IL15: variants seen among roughly 807,000 people sequenced by gnomAD.
The protein encoded by IL15 is interleukin 15, also known as interleukin-15.
IL15 carries 11 observed loss-of-function variants against 19.6 expected under a neutral mutation model. That is an observed-to-expected ratio of 0.56 (90% CI 0.35 to 0.93). IL15 has a LOEUF of 0.93. Ranked by LOEUF, IL15 falls within the 40% of genes least tolerant of loss-of-function variation. The pLI is 0.01. For missense variants in IL15, 197 were observed against 186.5 expected (o/e 1.06, Z -0.33); for synonymous variants, 58 against 59.6 (o/e 0.97, Z 0.12).
At chr4:141,690,366 G>A (rs1015840896) in intron 2 of IL15, among the ~76,000 whole-genome samples, 7 of 152,200 alleles carry the variant, frequency 4.6e-5, no homozygotes, top group Non-Finnish European at 8.8e-5. Context: ...CCCAGGCAGA[G>A]GAGTCGCCGA....
chr4:141,718,928 G>C (rs1729982351), intron 2 of IL15: 1 of 152,194 alleles, frequency 6.6e-6, no homozygotes, highest in Admixed American at 6.5e-5. Flanking sequence ...ATTCTCAAAT[G>C]ATTAACAATG....
chr4:141,664,818 C>A (rs1727915225), intron 2 of IL15, among the ~76,000 whole-genome samples: 2 of 152,160 alleles, frequency 1.3e-5, no homozygotes, highest in Non-Finnish European at 2.9e-5. Context: ...CTAATTCTTA[C>A]ATACATACTT....
intron 2 of IL15, among the ~76,000 whole-genome samples, chr4:141,707,223 C>T (rs1729546851): frequency 6.6e-6 from 1 of 151,928 alleles, no homozygotes; most frequent in South Asian, 2.1e-4. Flanking sequence ...TTTAAATTTT[C>T]ATTTATCAAA....
intron 6 of IL15, among the ~76,000 whole-genome samples, chr4:141,729,628 A>T (rs1463048019): frequency 6.6e-6 from 1 of 152,100 alleles, no homozygotes; most frequent in Non-Finnish European, 1.5e-5. Flanking sequence ...TCTTCTGTAC[A>T]ATATTGCCAT....
At chr4:141,672,933 A>G (rs1304812379) in intron 2 of IL15, among the ~76,000 whole-genome samples, 1 of 152,088 alleles carries the variant, frequency 6.6e-6, no homozygotes, top group Non-Finnish European at 1.5e-5. Flanking sequence ...CTTCCTCCAC[A>G]AAGTCTTCTG....
intron 2 of IL15, among the ~76,000 whole-genome samples, chr4:141,703,271 C>T (rs72712428): frequency 0.1 from 15,766 of 152,188 alleles, 931 homozygotes; most frequent in Non-Finnish European, 0.14. Context: ...CCACTCGCCA[C>T]CAAGTTCTGT....
chr4:141,710,743 T>C (rs1273808762), intron 2 of IL15, among the ~76,000 whole-genome samples: 2 of 152,300 alleles, frequency 1.3e-5, no homozygotes, highest in South Asian at 2.1e-4. Flanking sequence ...GTTTTGTTTG[T>C]TCATTTTATT....
chr4:141,703,086 A>G (rs1284429122), intron 2 of IL15, among the ~76,000 whole-genome samples: 1 of 152,216 alleles, frequency 6.6e-6, no homozygotes, highest in Admixed American at 6.5e-5. Context: ...TGGCAAGGCC[A>G]ATCTCACTCC....
At chr4:141,721,051 T>C in intron 4 of IL15, 1 of 899,176 alleles carries the variant, frequency 1.1e-6, no homozygotes, top group Non-Finnish European at 1.7e-6. Flanking sequence ...TTTTTTCTTC[T>C]CTCTTAGATG....
Position 141,680,698 on chromosome 4 carries a change from A to T in IL15, c.-100+24391A>T, listed in dbSNP as rs143799692. Among the ~76,000 whole-genome samples the T allele has an allele frequency of 4.7e-3, 721 of 152,312 alleles. 4 individuals are homozygous for T. Among genetic ancestry groups the T allele is most frequent in the African/African-American group, 0.016 (678 of 41,570 alleles). On this transcript the variant is annotated intron_variant, in intron 2 of 7. Coordinates refer to ENST00000320650, the MANE Select transcript of IL15 (RefSeq NM_000585.5). ...TTATTTTACCACTTTCTTCCTACAGAACATCTCTCCCACCAGCCTCCCTTT... is the reference window on the plus strand; with the variant it reads ...TTATTTTACCACTTTCTTCCTACAGTACATCTCTCCCACCAGCCTCCCTTT...
intron 2 of IL15, among the ~76,000 whole-genome samples, chr4:141,665,615 C>T (rs982331164): frequency 2.6e-5 from 4 of 152,152 alleles, no homozygotes; most frequent in Admixed American, 6.6e-5. Flanking sequence ...ATATAGTTTC[C>T]ATCTAGGAAT....
rs769140102 is a variant in IL15 at position 141,674,408 on chromosome 4, C to A, written c.-100+18101C>A. ...ACCCTAACAATTTTGCAGAGAATTTCAGAAATATAAAATGTGTCAATACAA... is the reference window on the plus strand; with the variant it reads ...ACCCTAACAATTTTGCAGAGAATTTAAGAAATATAAAATGTGTCAATACAA... On this transcript the variant is annotated intron_variant, in intron 2 of 7. Coordinates refer to ENST00000320650, the MANE Select transcript of IL15 (RefSeq NM_000585.5). 1.3e-4 allele frequency among the ~76,000 whole-genome samples: 19 copies of A among 151,990 alleles called. No individual in the cohort carries two copies. In the East Asian group the frequency reaches 3.7e-3, roughly 29 times the overall value.
intron 1 of IL15, among the ~76,000 whole-genome samples, chr4:141,654,876 C>G (rs1727537790): frequency 6.6e-6 from 1 of 152,080 alleles, no homozygotes; most frequent in Admixed American, 6.6e-5. Context: ...AGCTAGCTTG[C>G]TATCTTCCTA....
intron 6 of IL15, 70 bp downstream of exon 6, chr4:141,728,054 C>G (rs1730327778): frequency 8.1e-6 from 6 of 741,836 alleles, no homozygotes; most frequent in Admixed American, 2.7e-5. Context: ...ATTTTTGTAA[C>G]AACTAAAATA....
At chr4:141,708,513 C>A (rs1030889058) in intron 2 of IL15, among the ~76,000 whole-genome samples, 3 of 152,114 alleles carry the variant, frequency 2.0e-5, no homozygotes, top group African/African-American at 4.8e-5. Context: ...AAACTGGATT[C>A]AAAACCTATA....
At chr4:141,681,424 T>C (rs938494507) in intron 2 of IL15, among the ~76,000 whole-genome samples, 2 of 152,190 alleles carry the variant, frequency 1.3e-5, no homozygotes, top group Non-Finnish European at 2.9e-5. Context: ...ACATGCATTA[T>C]TTATTTAAAA....
Position 141,733,020 on chromosome 4 carries a change from C to T in IL15, c.*172C>T, listed in dbSNP as rs547787860. ...CTTAGAAATGAAGGCAGAAAAATGT[C>T]ATTGAGTAATATAGTGACTATGAAC... On this transcript the variant is annotated 3_prime_UTR_variant, in exon 8 of 8. Coordinates refer to ENST00000320650, the MANE Select transcript of IL15 (RefSeq NM_000585.5). 1 of 998,070 alleles carries T rather than the reference C, an allele frequency of 1.0e-6. No individual in the cohort carries two copies. The highest frequency in any genetic ancestry group is 3.7e-5 in the Admixed American group (1 of 27,182). 61.8% of individuals were successfully genotyped at this position (998,070 alleles called of 1,614,324 possible). A position where few individuals can be genotyped will look rare whatever the true frequency, so the allele number is the denominator to read the frequency against.
intron 2 of IL15, among the ~76,000 whole-genome samples, chr4:141,690,102 T>G (rs577223106): frequency 2.6e-5 from 4 of 152,128 alleles, no homozygotes; most frequent in Non-Finnish European, 5.9e-5. Context: ...CTGGCCCCGG[T>G]GCTAAGTCCC....
intron 1 of IL15, among the ~76,000 whole-genome samples, chr4:141,644,424 C>T (rs1032870737): frequency 2.6e-5 from 4 of 152,152 alleles, no homozygotes; most frequent in African/African-American, 9.7e-5. Flanking sequence ...TTCAAGAAAG[C>T]ATCTTCCTTC....
Sources: allele counts gnomAD v4.1 joint callset (sites outside exome capture counted in the v4.1 genomes callset), GRCh38; gene constraint gnomAD v4.1.1; transcripts MANE v1.5; gene names NCBI Gene and HGNC (gene_info 2026-07-23, HGNC 2026-07-21).